CEP112: variants seen among roughly 807,000 people sequenced by gnomAD.
The protein encoded by CEP112 is centrosomal protein 112, also known as centrosomal protein of 112 kDa.
In CEP112, 127 loss-of-function variants were observed where a neutral mutation model predicts 153.0. That is an observed-to-expected ratio of 0.83 (90% CI 0.72 to 0.96). The LOEUF is 0.96. CEP112 is among the 40% of genes least tolerant of loss of function. The pLI is 0.00. For synonymous variants in CEP112, 358 were observed against 374.4 expected (o/e 0.96, Z 0.51); for missense variants, 1,089 against 1,101.2 (o/e 0.99, Z 0.16).
At chr17:66,149,888 GTTTT>G (rs71160535) in intron 4 of CEP112, among the ~76,000 whole-genome samples, 8 of 54,710 alleles carry the variant, frequency 1.5e-4, no homozygotes, top group Admixed American at 1.1e-3. Context: ...TTGTTTGTTT[GTTTT>G]TTTTTTTTTT....
At chr17:65,727,951 CA>C (rs2050273085) in intron 23 of CEP112, among the ~76,000 whole-genome samples, 1 of 152,188 alleles carries the variant, frequency 6.6e-6, no homozygotes, top group Admixed American at 6.5e-5. Context: ...AAAGAAGTAT[CA>C]TATAAGCTAA....
intron 24 of CEP112, among the ~76,000 whole-genome samples, chr17:65,679,073 T>G (rs1192787667): frequency 1.3e-5 from 2 of 149,714 alleles, no homozygotes; most frequent in Non-Finnish European, 3.0e-5. Context: ...TAAGAAATAT[T>G]TTGATAAGAT....
In CEP112 at chr17:66,182,820, CAGG is replaced by C. The variant is rs144403713; in HGVS notation, c.106+371_106+373del. On this transcript the variant is annotated intron_variant, in intron 2 of 26. Transcript: ENST00000535342. ...TGCTTTGATAGACAGGGCCGGAGAA[CAGG>C]AGAACACTAGGCTCCTCCTGTCTCT... 2.0e-5 allele frequency among the ~76,000 whole-genome samples: 3 copies of C among 152,216 alleles called. No homozygotes were observed. In the East Asian group the frequency reaches 5.8e-4, roughly 29 times the overall value.
chr17:65,647,987 T>C (rs141484848), intron 24 of CEP112, among the ~76,000 whole-genome samples: 7 of 152,302 alleles, frequency 4.6e-5, no homozygotes, highest in Non-Finnish European at 7.3e-5. Flanking sequence ...ATTCCTTTGA[T>C]TCAAGATCAA....
intron 18 of CEP112, among the ~76,000 whole-genome samples, chr17:65,942,269 CTGA>C (rs2061528502): frequency 6.6e-6 from 1 of 152,144 alleles, no homozygotes; most frequent in African/African-American, 2.4e-5. Context: ...AATCTAATGC[CTGA>C]TGATCTCAGG....
chr17:66,100,156 G>C (rs2068507645), intron 6 of CEP112, among the ~76,000 whole-genome samples: 1 of 152,040 alleles, frequency 6.6e-6, no homozygotes, highest in Non-Finnish European at 1.5e-5. Context: ...GGTGGCTCAT[G>C]CCTGTAACCG....
At chr17:66,076,606 G>A (rs2067509481) in intron 8 of CEP112, among the ~76,000 whole-genome samples, 1 of 152,074 alleles carries the variant, frequency 6.6e-6, no homozygotes, top group Non-Finnish European at 1.5e-5. Flanking sequence ...CCCACCTGCT[G>A]GGCCTTCCCT....
At chr17:65,950,848 C>T (rs1285348286) in intron 18 of CEP112, among the ~76,000 whole-genome samples, 2 of 152,020 alleles carry the variant, frequency 1.3e-5, no homozygotes, top group Non-Finnish European at 2.9e-5. Context: ...AATCTTCCAA[C>T]ATTAATTTTA....
intron 23 of CEP112, among the ~76,000 whole-genome samples, chr17:65,705,498 T>C (rs2048868843): frequency 6.6e-6 from 1 of 152,208 alleles, no homozygotes; most frequent in Non-Finnish European, 1.5e-5. Context: ...GGCACTTACA[T>C]TATCATAGAA....
chr17:66,059,435 A>C (rs1182696489), intron 11 of CEP112, among the ~76,000 whole-genome samples: 2 of 152,160 alleles, frequency 1.3e-5, no homozygotes, highest in Non-Finnish European at 2.9e-5. Context: ...TCTATAAAGA[A>C]CTCAACAATT....
At chr17:65,985,801 G>A (rs1323199015) in intron 17 of CEP112, among the ~76,000 whole-genome samples, 3 of 151,152 alleles carry the variant, frequency 2.0e-5, no homozygotes, top group Non-Finnish European at 4.4e-5. Context: ...CCATCCTCTT[G>A]AAGATGAGGC....
chr17:66,064,110 A>G (rs2067024853), intron 10 of CEP112, among the ~76,000 whole-genome samples: 2 of 152,182 alleles, frequency 1.3e-5, no homozygotes, highest in Admixed American at 1.3e-4. Context: ...TCTCAATTAA[A>G]TCATTTATTA....
At chr17:65,861,926 C>G (rs1376098579) in intron 20 of CEP112, among the ~76,000 whole-genome samples, 1 of 152,162 alleles carries the variant, frequency 6.6e-6, no homozygotes, top group South Asian at 2.1e-4. Context: ...ATGTACACAG[C>G]AGTATTTGTA....
intron 12 of CEP112, among the ~76,000 whole-genome samples, chr17:66,041,536 G>T (rs2065979552): frequency 6.6e-6 from 1 of 152,134 alleles, no homozygotes; most frequent in Non-Finnish European, 1.5e-5. Flanking sequence ...ACACAGGTCA[G>T]TATTTCCTTG....
intron 23 of CEP112, among the ~76,000 whole-genome samples, chr17:65,710,909 C>T (rs1218816896): frequency 1.3e-5 from 2 of 152,200 alleles, no homozygotes; most frequent in Non-Finnish European, 2.9e-5. Flanking sequence ...GAAAACTGGG[C>T]GCTTCTGTCT....
At chr17:65,840,241 T>C (rs1475395880) in intron 21 of CEP112, among the ~76,000 whole-genome samples, 1 of 152,058 alleles carries the variant, frequency 6.6e-6, no homozygotes, top group Admixed American at 6.6e-5. Flanking sequence ...CTAGAGGAAT[T>C]GCACCATCAG....
chr17:65,781,800 T>C (rs909666020), intron 21 of CEP112, among the ~76,000 whole-genome samples: 2 of 152,200 alleles, frequency 1.3e-5, no homozygotes, highest in African/African-American at 4.8e-5. Flanking sequence ...GATAGTGGGC[T>C]AGCCATATGC....
chr17:66,003,871 T>C (rs892249212), intron 17 of CEP112, among the ~76,000 whole-genome samples: 1 of 152,190 alleles, frequency 6.6e-6, no homozygotes, highest in Admixed American at 6.5e-5. Context: ...AACAGTTTCA[T>C]CCCAAAACCA....
rs1041723893 is a variant in CEP112, at chr17:65,843,336, A to G, written c.2394+8468T>C. On this transcript the variant is annotated intron_variant, in intron 21 of 26. Transcript: ENST00000535342. ...TTAGGTTCACCAATATTTGTGGAAC[A>G]TAATAAAAAATATACGGGATATTGT... Among the ~76,000 whole-genome samples, 62 of 152,112 alleles carry G rather than the reference A, an allele frequency of 4.1e-4. 3 individuals are homozygous for G. Among genetic ancestry groups the G allele is most frequent in the Non-Finnish European group, 1.5e-5 (1 of 68,010 alleles).
Sources: gnomAD v4.1 joint callset for allele counts (sites outside exome capture counted in the v4.1 genomes callset) on GRCh38, gnomAD v4.1.1 for gene constraint, MANE v1.5 for transcripts, NCBI Gene and HGNC (gene_info 2026-07-23, HGNC 2026-07-21) for gene names.